RUNX2: variants seen among roughly 807,000 people sequenced by gnomAD.
RUNX2 encodes runt-related transcription factor 2.
Under a neutral mutation model 51.7 loss-of-function variants are expected in RUNX2, and 10 were observed. The ratio of observed to expected loss-of-function variants is 0.19; its 90% CI spans 0.12 to 0.33. The LOEUF is 0.33. Among genes scored for constraint, RUNX2 ranks in the 10% least tolerant of loss-of-function variants. RUNX2 has a pLI of 1.00. For missense variants in RUNX2, 562 were observed against 691.3 expected, an observed-to-expected ratio of 0.81 and a Z score of 2.10; for synonymous variants, 276 against 273.6, an observed-to-expected ratio of 1.01 and a Z score of -0.09.
intron 4 of RUNX2, among the ~76,000 whole-genome samples, chr6:45,433,168 G>A (rs897576340): frequency 5.3e-5 from 8 of 152,192 alleles, no homozygotes; most frequent in Non-Finnish European, 1.2e-4. Context: ...TCATGCTAAT[G>A]AGATACTGTC....
intron 6 of RUNX2, among the ~76,000 whole-genome samples, chr6:45,501,986 A>AT (rs1364927234): frequency 6.6e-6 from 1 of 152,224 alleles, no homozygotes; most frequent in Non-Finnish European, 1.5e-5. Flanking sequence ...CTTTAAAGGC[A>AT]TTATCTTCAA....
At chr6:45,483,692 A>G (rs1372679409) in intron 5 of RUNX2, among the ~76,000 whole-genome samples, 4 of 152,236 alleles carry the variant, frequency 2.6e-5, no homozygotes, top group Non-Finnish European at 5.9e-5. Flanking sequence ...GATATAAATC[A>G]GAGGGATCAT....
intron 5 of RUNX2, among the ~76,000 whole-genome samples, chr6:45,460,192 G>A (rs186666697): frequency 2.6e-5 from 4 of 152,274 alleles, no homozygotes; most frequent in Admixed American, 2.0e-4. Flanking sequence ...AGATCCCTGG[G>A]GGTAATTCTC....
At chr6:45,514,700 C>A (rs965588188) in intron 7 of RUNX2, among the ~76,000 whole-genome samples, 2 of 152,172 alleles carry the variant, frequency 1.3e-5, no homozygotes, top group Non-Finnish European at 2.9e-5. Context: ...TGTGCCTGCA[C>A]ACCCAAGCAC....
intron 2 of RUNX2, among the ~76,000 whole-genome samples, chr6:45,391,892 A>G (rs1367898169): frequency 6.6e-6 from 1 of 152,212 alleles, no homozygotes; most frequent in Admixed American, 6.5e-5. Context: ...TGTATCACAC[A>G]CTATGGAAGC....
At chr6:45,414,093 TTAATGAGGAC>T (rs1798011073) in intron 2 of RUNX2, among the ~76,000 whole-genome samples, 2 of 152,236 alleles carry the variant, frequency 1.3e-5, no homozygotes, top group Non-Finnish European at 2.9e-5. Context: ...CTGCTTCATC[TTAATGAGGAC>T]TCAAGAGGAG....
intron 4 of RUNX2, among the ~76,000 whole-genome samples, chr6:45,437,242 C>G (rs747091205): frequency 6.6e-6 from 1 of 152,284 alleles, no homozygotes; most frequent in South Asian, 2.1e-4. Flanking sequence ...TGAGTTTATA[C>G]TGAGAGATGT....
At chr6:45,456,356 C>G (rs371589432) in intron 5 of RUNX2, among the ~76,000 whole-genome samples, 1 of 151,964 alleles carries the variant, frequency 6.6e-6, no homozygotes, top group South Asian at 2.1e-4. Context: ...AAATCCTGTT[C>G]GATTAAAAAT....
At chr6:45,374,332 C>T (rs917647179) in intron 2 of RUNX2, among the ~76,000 whole-genome samples, 1 of 152,258 alleles carries the variant, frequency 6.6e-6, no homozygotes, top group Middle Eastern at 3.4e-3. Flanking sequence ...GAACTGCACA[C>T]AACCCATCAC....
At chr6:45,518,207 C>T (rs1370054136) in intron 7 of RUNX2, among the ~76,000 whole-genome samples, 1 of 152,198 alleles carries the variant, frequency 6.6e-6, no homozygotes, top group East Asian at 1.9e-4. Context: ...ATAGGAGTAA[C>T]TCTTATTTTG....
At chr6:45,391,501 A>G (rs1037913509) in intron 2 of RUNX2, among the ~76,000 whole-genome samples, 3 of 152,166 alleles carry the variant, frequency 2.0e-5, no homozygotes, top group Non-Finnish European at 2.9e-5. Context: ...AGCCTCAGGT[A>G]TTTCTTTACA....
At chr6:45,447,109 T>A (rs1799023488) in intron 5 of RUNX2, among the ~76,000 whole-genome samples, 1 of 152,182 alleles carries the variant, frequency 6.6e-6, no homozygotes, top group Non-Finnish European at 1.5e-5. Flanking sequence ...ACAAGTGACA[T>A]AGAATCATTT....
intron 7 of RUNX2, among the ~76,000 whole-genome samples, chr6:45,529,099 G>T (rs935177019): frequency 6.6e-6 from 1 of 152,108 alleles, no homozygotes; most frequent in African/African-American, 2.4e-5. Context: ...CTCTAAATTT[G>T]GGGCTCTGGA....
At chr6:45,470,543 CAA>C (rs1196864539) in intron 5 of RUNX2, among the ~76,000 whole-genome samples, 2 of 152,226 alleles carry the variant, frequency 1.3e-5, no homozygotes, top group East Asian at 3.8e-4. Context: ...GTGATACAGA[CAA>C]GAGTACCACA....
intron 2 of RUNX2, among the ~76,000 whole-genome samples, chr6:45,401,308 C>T (rs1036051922): frequency 3.3e-5 from 5 of 152,158 alleles, no homozygotes; most frequent in African/African-American, 9.7e-5. Flanking sequence ...ACAAAGACTT[C>T]CTTAAGAATT....
At chr6:45,534,443 A>G (rs1248951902) in intron 7 of RUNX2, among the ~76,000 whole-genome samples, 1 of 152,174 alleles carries the variant, frequency 6.6e-6, no homozygotes, top group Non-Finnish European at 1.5e-5. Context: ...AAAACTTAAA[A>G]AGCAAAATCT....
In RUNX2 at chr6:45,388,458, G is replaced by A. The variant is rs890013924; in HGVS notation, c.59-34135G>A. Among the ~76,000 whole-genome samples, 4 of 152,306 alleles carry A rather than the reference G, an allele frequency of 2.6e-5. No individual in the cohort carries two copies. In the East Asian group the frequency reaches 5.8e-4, roughly 22 times the overall value. On this transcript the variant is annotated intron_variant, in intron 2 of 8. Coordinates refer to ENST00000647337, the MANE Select transcript of RUNX2 (RefSeq NM_001024630.4). ...GCAGCATCTGCTTCTCGTTAGAAAT[G>A]AATATTTGGGCCCCGCCCCAAACCT... is the stretch of plus-strand genomic sequence containing the variant.
chr6:45,524,163 A>C (rs1392852999), intron 7 of RUNX2, among the ~76,000 whole-genome samples: 1 of 152,184 alleles, frequency 6.6e-6, no homozygotes, highest in Non-Finnish European at 1.5e-5. Context: ...CTGGGTCAGA[A>C]TTTAAGTAAC....
chr6:45,472,025 G>T (rs940014213), intron 5 of RUNX2, among the ~76,000 whole-genome samples: 1 of 151,866 alleles, frequency 6.6e-6, no homozygotes, highest in Admixed American at 6.6e-5. Flanking sequence ...AAGGTAAGTG[G>T]GTTCTTGGTT....
Sources: gnomAD v4.1 joint callset for allele counts (sites outside exome capture counted in the v4.1 genomes callset) on GRCh38, gnomAD v4.1.1 for gene constraint, MANE v1.5 for transcripts, NCBI Gene and HGNC (gene_info 2026-07-23, HGNC 2026-07-21) for gene names.